The following DOCK3 variants were observed in gnomAD, a reference collection of about 807,000 sequenced individuals.
DOCK3 encodes the protein dedicator of cytokinesis protein 3.
In DOCK3, 60 loss-of-function variants were observed where a neutral mutation model predicts 265.6. That is an observed-to-expected ratio of 0.23 (90% confidence interval 0.18 to 0.28). The LOEUF (loss-of-function observed/expected upper bound fraction) is 0.28, where lower values mean the gene tolerates loss of function less well. DOCK3 is among the 10% of genes least tolerant of loss of function. The pLI is 1.00. For missense variants in DOCK3, 1,981 were observed against 2,594.3 expected (o/e 0.76, Z 5.14); for synonymous variants, 881 against 938.0 (o/e 0.94, Z 1.11).
In DOCK3 at chr3:51,160,665, G is replaced by T. The variant is rs752203493; in HGVS notation, c.1000G>T (p.Val334Leu). ...ILDVLQSLTE[V>L]KEEKDFVLKV... ...GGATGTCCTACAGTCACTCACAGAA[G>T]TAAAGGAAGAAAAGGATTTTGTTCT... Residue 334 changes from valine to leucine, a missense_variant, in exon 12 of 53, where the codon GTA becomes TTA. Physicochemically the swap from Val to Leu is conservative, Grantham distance 32 (BLOSUM62 1). This residue lies in a region of DOCK3 where 456 missense variants were observed against 539.0 expected (regional missense o/e 0.85). Coordinates refer to ENST00000266037, the MANE Select transcript of DOCK3 (RefSeq NM_004947.5). 3 of 1,613,012 alleles carry T rather than the reference G, an allele frequency of 1.9e-6. No homozygotes were observed. Among genetic ancestry groups the T allele is most frequent in the Non-Finnish European group, 1.7e-6 (2 of 1,179,466 alleles).
chr3:51,370,897 G>T (rs556048438), intron 49 of DOCK3, among the ~76,000 whole-genome samples: 1 of 152,328 alleles, frequency 6.6e-6, no homozygotes, highest in East Asian at 1.9e-4. Context: ...GCTGGCAATT[G>T]ATGCTGGTGG....
chr3:51,027,951 A>G (rs2079889580), intron 5 of DOCK3, among the ~76,000 whole-genome samples: 1 of 151,854 alleles, frequency 6.6e-6, no homozygotes, highest in African/African-American at 2.4e-5. Flanking sequence ...TTTGATATTG[A>G]TATATGAGAT....
intron 27 of DOCK3, among the ~76,000 whole-genome samples, chr3:51,301,379 T>G (rs1385230758): frequency 2.0e-5 from 3 of 152,092 alleles, no homozygotes; most frequent in African/African-American, 7.2e-5. Context: ...TTTTTTTTTT[T>G]GAAGGCTTTT....
At chr3:50,788,670 G>T (rs1426919659) in intron 2 of DOCK3, among the ~76,000 whole-genome samples, 1 of 152,230 alleles carries the variant, frequency 6.6e-6, no homozygotes, top group East Asian at 1.9e-4. Context: ...CCTCAGGACT[G>T]CTCCTCAGAC....
chr3:51,222,654 C>G (rs929830506), intron 14 of DOCK3, among the ~76,000 whole-genome samples: 2 of 152,126 alleles, frequency 1.3e-5, no homozygotes, highest in Non-Finnish European at 2.9e-5. Flanking sequence ...GGTCTGTTCT[C>G]CAAATAAAGA....
chr3:50,914,185 A>AT (rs1426890731), intron 4 of DOCK3, among the ~76,000 whole-genome samples: 2 of 149,412 alleles, frequency 1.3e-5, no homozygotes, highest in African/African-American at 5.0e-5. Flanking sequence ...TTTTTCCTCA[A>AT]TTTTGTTTAT....
chr3:50,933,704 G>C (rs1040624857), intron 4 of DOCK3, among the ~76,000 whole-genome samples: 1 of 152,060 alleles, frequency 6.6e-6, no homozygotes, highest in African/African-American at 2.4e-5. Context: ...AAGGAAAAAA[G>C]CTTAGAGTCT....
At chr3:50,914,778 A>G (rs1360696961) in intron 4 of DOCK3, among the ~76,000 whole-genome samples, 1 of 152,094 alleles carries the variant, frequency 6.6e-6, no homozygotes, top group African/African-American at 2.4e-5. Flanking sequence ...TCTAATGCCG[A>G]TAGTAGGGTG....
At chr3:51,297,834 A>C (rs1410938324) in intron 27 of DOCK3, among the ~76,000 whole-genome samples, 1 of 151,838 alleles carries the variant, frequency 6.6e-6, no homozygotes, top group African/African-American at 2.4e-5. Context: ...GCATGCCTGT[A>C]GTCCCAGTTT....
At chr3:51,339,998 G>T (rs1050988987) in intron 37 of DOCK3, among the ~76,000 whole-genome samples, 2 of 152,160 alleles carry the variant, frequency 1.3e-5, no homozygotes, top group African/African-American at 4.8e-5. Context: ...AAATGACTGG[G>T]CTTTGAATCT....
At chr3:50,803,419 G>A (rs974024172) in intron 2 of DOCK3, among the ~76,000 whole-genome samples, 4 of 152,132 alleles carry the variant, frequency 2.6e-5, no homozygotes, top group African/African-American at 9.7e-5. Flanking sequence ...AGCATCCCAA[G>A]GCAGAAGAAT....
chr3:50,799,793 G>T (rs1040608605), intron 2 of DOCK3, among the ~76,000 whole-genome samples: 3 of 152,094 alleles, frequency 2.0e-5, no homozygotes, highest in African/African-American at 7.2e-5. Context: ...TAGAGGAAAA[G>T]CTTTCAGTTT....
intron 5 of DOCK3, among the ~76,000 whole-genome samples, chr3:51,018,057 C>G (rs1223969351): frequency 6.6e-6 from 1 of 151,468 alleles, no homozygotes; most frequent in Non-Finnish European, 1.5e-5. Context: ...ATGCCCAGCT[C>G]ATTTTTGTAT....
chr3:51,169,821 A>G (rs1372614109), intron 12 of DOCK3, among the ~76,000 whole-genome samples: 1 of 151,590 alleles, frequency 6.6e-6, no homozygotes, highest in Non-Finnish European at 1.5e-5. Flanking sequence ...TTATTGATTC[A>G]TGTATGTTTA....
At chr3:51,004,592 T>C (rs1007293173) in intron 5 of DOCK3, among the ~76,000 whole-genome samples, 2 of 152,144 alleles carry the variant, frequency 1.3e-5, no homozygotes, top group African/African-American at 4.8e-5. Flanking sequence ...ATTATAGTAG[T>C]ATTATATAGT....
chr3:51,279,921 T>G (rs908144420), intron 26 of DOCK3, among the ~76,000 whole-genome samples, 185 bp from the exon 27 acceptor site: 15 of 152,130 alleles, frequency 9.9e-5, no homozygotes, highest in African/African-American at 3.6e-4. Flanking sequence ...AGGGTTTATT[T>G]CCCCCTAATC....
At chr3:50,995,373 A>T (rs768512170) in intron 5 of DOCK3, among the ~76,000 whole-genome samples, 1 of 152,254 alleles carries the variant, frequency 6.6e-6, no homozygotes, top group Non-Finnish European at 1.5e-5. Flanking sequence ...ATGAAGAGGC[A>T]TAGTCCTTAG....
chr3:50,927,023 T>A (rs894609123), intron 4 of DOCK3, among the ~76,000 whole-genome samples: 2 of 152,238 alleles, frequency 1.3e-5, no homozygotes, highest in African/African-American at 4.8e-5. Flanking sequence ...TACAAAGGCT[T>A]ACAAGTTTTA....
At chr3:50,740,875 A>G (rs1251165783) in intron 1 of DOCK3, among the ~76,000 whole-genome samples, 5 of 152,252 alleles carry the variant, frequency 3.3e-5, no homozygotes, top group Middle Eastern at 3.4e-3. Flanking sequence ...TTTTAAATGT[A>G]TAATTCGGTG....
Sources: allele counts gnomAD v4.1 joint callset (sites outside exome capture counted in the v4.1 genomes callset), GRCh38; gene constraint gnomAD v4.1.1; regional missense constraint gnomAD v4.1.1; transcripts MANE v1.5; gene names NCBI Gene and HGNC (gene_info 2026-07-23, HGNC 2026-07-21).